Variants in HMGXB3 observed in about 807,000 individuals in gnomAD.
HMGXB3 encodes HMG domain-containing protein 3.
HMGXB3 carries 45 observed loss-of-function variants against 121.5 expected under a neutral mutation model. The observed-to-expected ratio is 0.37, with a 90% CI of 0.29 to 0.47. The LOEUF (loss-of-function observed/expected upper bound fraction) is 0.47, where lower values mean the gene tolerates loss of function less well. HMGXB3 is among the 20% of genes least tolerant of loss of function. The pLI, the probability that HMGXB3 is intolerant of heterozygous loss-of-function variation, is 0.99. For synonymous variants in HMGXB3, 590 were observed against 624.1 expected (o/e 0.95, Z 0.81); for missense variants, 1,376 against 1,602.2 (o/e 0.86, Z 2.41).
At chr5:150,030,200 A>G (rs1756339845) in intron 9 of HMGXB3, 2 of 152,160 alleles carry the variant, frequency 1.3e-5, no homozygotes, top group Non-Finnish European at 2.9e-5. Context: ...GAGGCCAGGC[A>G]TGGTGGCTCT....
At chr5:150,010,689 G>T in intron 4 of HMGXB3, 81 bp downstream of exon 4, 1 of 1,346,596 alleles carries the variant, frequency 7.4e-7, no homozygotes, top group Non-Finnish European at 1.0e-6. Context: ...TGTGATTCCA[G>T]AGCAGTGGTA....
At chr5:150,032,697 G>C (rs1397790808) in intron 11 of HMGXB3, 94 bp downstream of exon 11, 1 of 1,415,440 alleles carries the variant, frequency 7.1e-7, no homozygotes. Context: ...TAAAGTACAT[G>C]GTGGTAGTTA....
chr5:150,024,423 G>A lies in HMGXB3; in HGVS notation c.1203G>A (p.Leu401=). ...LENSEAVSQL[L]NVAPPREVGE... is the part of the protein sequence containing the mutation. ...ATTCGGAAGCTGTAAGCCAGCTCCT[G>A]AACGTAGCTCCTCCCAGAGAAGTAG... Residue 401 remains leucine (L), a synonymous_variant, in exon 7 of 20, where the codon CTG becomes CTA. Coordinates refer to ENST00000502717, the MANE Select transcript of HMGXB3 (RefSeq NM_014983.3). The A allele has an allele frequency of 6.4e-7, 1 of 1,551,756 alleles. No individual in the cohort carries two copies. The highest frequency in any genetic ancestry group is 2.0e-5 in the Admixed American group (1 of 51,002).
chr5:150,007,013 A>G (rs1441161050), intron 3 of HMGXB3, among the ~76,000 whole-genome samples: 2 of 152,250 alleles, frequency 1.3e-5, no homozygotes, highest in African/African-American at 4.8e-5. Flanking sequence ...TTTTCATATT[A>G]CAGATTGAAT....
chr5:150,019,807 T>C (rs1448230731), intron 6 of HMGXB3, among the ~76,000 whole-genome samples: 2 of 152,204 alleles, frequency 1.3e-5, no homozygotes, highest in Admixed American at 1.3e-4. Flanking sequence ...TATAGCAGCA[T>C]ACCTTAAACT....
At position 150,051,966 on chromosome 5, in the gene HMGXB3, G is replaced by A. The variant is rs1429775099; in HGVS notation, c.3653G>A (p.Arg1218Gln). Residue 1218 changes from arginine to glutamine, a missense_variant, in exon 20 of 20, where the codon CGG becomes CAG. Transcript: ENST00000502717. ...VDSKPNGVRQ[R>Q]PIAFDNATHY... The stretch of plus-strand genomic sequence containing the variant: ...AGCAAACCAAACGGTGTCCGCCAGC[G>A]GCCCATTGCCTTCGACAATGCCACT... 9.7e-6 allele frequency: 15 copies of A among 1,552,170 alleles called. No homozygotes were observed. The highest frequency in any genetic ancestry group is 5.9e-5 in the Admixed American group (3 of 50,990).
chr5:150,051,727 T>C lies in HMGXB3; in HGVS notation c.3414T>C (p.Ser1138=). The C allele has an allele frequency of 6.6e-7, 1 of 1,518,000 alleles. No homozygotes were observed. The highest frequency in any genetic ancestry group is 8.8e-7 in the Non-Finnish European group (1 of 1,131,478). 94.0% of individuals were successfully genotyped at this position (1,518,000 alleles called of 1,614,324 possible). The change falls in exon 20 of 20, where the codon AGT becomes AGC. Residue 1138 remains serine (S), a splice_region_variant and synonymous_variant. Transcript: ENST00000502717. ...ATGCATTCTCATTTCTCTTCTAGAG[T>C]GTGTCCTGCCCAGAGCTCTTGGACC... ...CFSSPTEPPV[S]VSCPELLDQH...
At chr5:150,021,639 C>T (rs1035138779) in intron 6 of HMGXB3, 18 of 520,748 alleles carry the variant, frequency 3.5e-5, no homozygotes, top group Non-Finnish European at 6.0e-5. Flanking sequence ...GCTTAACAAT[C>T]TCAGAAGGAC....
At chr5:150,014,812 G>A in intron 5 of HMGXB3, 1 of 441,202 alleles carries the variant, frequency 2.3e-6, no homozygotes, top group Non-Finnish European at 4.1e-6. Context: ...AACTTGGGAG[G>A]TGGGGGAACA....
At position 150,037,499 on chromosome 5, in the gene HMGXB3, C is replaced by T; in HGVS notation, c.2385C>T (p.Ala795=). ...VKMCLNPHCL[A]LHSFIDIYTG... is the part of the protein sequence containing the mutation. ...TGTGTCTGAACCCCCATTGTCTGGC[C>T]CTGCACAGCTTCATAGACATCTACA... The change falls in exon 13 of 20, where the codon GCC becomes GCT. Residue 795 remains alanine, a synonymous_variant. Coordinates refer to ENST00000502717, the MANE Select transcript of HMGXB3 (RefSeq NM_014983.3). 1.3e-6 allele frequency: 2 copies of T among 1,523,382 alleles called. No individual in the cohort carries two copies. The highest frequency in any genetic ancestry group is 5.0e-5 in the East Asian group (2 of 39,990). 94.4% of individuals were successfully genotyped at this position (1,523,382 alleles called of 1,614,324 possible).
chr5:150,003,959 AC>A (rs1346755465), intron 1 of HMGXB3, among the ~76,000 whole-genome samples: 3 of 151,980 alleles, frequency 2.0e-5, no homozygotes, highest in African/African-American at 7.2e-5. Context: ...AAAAACAAAA[AC>A]AAAAAACCCA....
In HMGXB3 at chr5:150,045,538, G is replaced by A; in HGVS notation, c.2803G>A (p.Val935Met). 6.4e-7 allele frequency: 1 copy of A among 1,552,282 alleles called. No individual in the cohort carries two copies. The highest frequency in any genetic ancestry group is 8.7e-7 in the Non-Finnish European group (1 of 1,147,122). Residue 935 changes from valine to methionine, a missense_variant, in exon 16 of 20, where the codon GTG (valine) becomes ATG (methionine). By Grantham distance (21) the Val-to-Met change is conservative. Transcript: ENST00000502717. ...CTTTTGGGCCACGATGGAGACAGAG[G>A]TGATTGAGCAGGTGGCATTTCCTGC... ...EDFWATMETE[V>M]IEQVAFPASI...
chr5:150,002,420 T>C (rs911693715), intron 1 of HMGXB3, among the ~76,000 whole-genome samples: 6 of 152,224 alleles, frequency 3.9e-5, no homozygotes, highest in African/African-American at 1.2e-4. Flanking sequence ...TGACTCCACA[T>C]GCAGTGCTCA....
At position 150,010,522 on chromosome 5, in the gene HMGXB3, AATGGCT is replaced by A. The variant is rs1223568347; in HGVS notation, c.725_730del (p.Asn242_Ser244delinsThr). On this transcript the variant is annotated inframe_deletion, in exon 4 of 20. Coordinates refer to ENST00000502717, the MANE Select transcript of HMGXB3 (RefSeq NM_014983.3). ...CCTGGTAATTGAAGAGACCTTGGTG[AATGGCT>A]CACCAGACCTCCCCACTGGAAGCCT... The A allele has an allele frequency of 1.3e-6, 2 of 1,551,486 alleles. No homozygotes were observed. The highest frequency in any genetic ancestry group is 4.9e-5 in the East Asian group (2 of 40,934).
At chr5:150,030,544 G>A in intron 9 of HMGXB3, 197 bp from the exon 10 acceptor site, 1 of 560,906 alleles carries the variant, frequency 1.8e-6, no homozygotes, top group South Asian at 2.1e-5. Context: ...ACAGAAGCAT[G>A]TGGCAAGGCC....
intron 3 of HMGXB3, among the ~76,000 whole-genome samples, chr5:150,007,904 A>G (rs1029118141): frequency 3.3e-5 from 5 of 152,026 alleles, no homozygotes; most frequent in Non-Finnish European, 7.4e-5. Context: ...AAAATAGGAA[A>G]AGATTAGCCA....
intron 13 of HMGXB3, among the ~76,000 whole-genome samples, chr5:150,039,465 G>C (rs950455391): frequency 6.6e-6 from 1 of 151,486 alleles, no homozygotes. Context: ...CTTTGTTTTT[G>C]TAAATATTAT....
At position 150,028,448 on chromosome 5, in the gene HMGXB3, G is replaced by GTA. The variant is rs375894922; in HGVS notation, c.1734+1341_1734+1342dup. Among the ~76,000 whole-genome samples the GTA allele has an allele frequency of 2.0e-4, 28 of 140,184 alleles. No homozygotes were observed. The South Asian group carries it at 2.5e-3, about 13-fold the overall frequency. 92.0% of individuals were successfully genotyped at this position (140,184 alleles called of 152,430 possible). On this transcript the variant is annotated intron_variant, in intron 9 of 19. Coordinates refer to ENST00000502717, the MANE Select transcript of HMGXB3 (RefSeq NM_014983.3). The stretch of plus-strand genomic sequence containing the variant: ...TGTATATATATATATGTATGTGTGT[G>GTA]TATATATATATGTATATATATGTGT...
chr5:150,051,980 G>C lies in HMGXB3; in HGVS notation c.3667G>C (p.Asp1223His). ...TGTCCGCCAGCGGCCCATTGCCTTC[G>C]ACAATGCCACTCACTATTACCTCTA... ...NGVRQRPIAF[D>H]NATHYYLYNR... The change falls in exon 20 of 20, where the codon GAC (aspartate) becomes CAC (histidine). Residue 1223 changes from aspartate to histidine, a missense_variant. Transcript: ENST00000502717. 6.4e-7 allele frequency: 1 copy of C among 1,552,218 alleles called. No homozygotes were observed. The highest frequency in any genetic ancestry group is 2.4e-5 in the East Asian group (1 of 40,928).
Sources: allele counts gnomAD v4.1 joint callset (sites outside exome capture counted in the v4.1 genomes callset), GRCh38; gene constraint gnomAD v4.1.1; transcripts MANE v1.5; gene names NCBI Gene and HGNC (gene_info 2026-07-23, HGNC 2026-07-21).